Variants in RGS6 observed in about 807,000 individuals in gnomAD.
The protein encoded by RGS6 is regulator of G-protein signaling 6.
A neutral mutation model predicts 78.5 loss-of-function variants in RGS6; 30 were observed. The observed-to-expected ratio is 0.38, with a 90% CI of 0.29 to 0.52. RGS6 has a LOEUF of 0.52. Among genes scored for constraint, RGS6 ranks in the 20% least tolerant of loss-of-function variants. The probability of loss-of-function intolerance (pLI) is 0.85; values close to 1 mark genes in which losing one functional copy is unlikely to be tolerated. For missense variants in RGS6, 495 were observed against 609.7 expected, an observed-to-expected ratio of 0.81 and a Z score of 1.98; for synonymous variants, 206 against 206.0, an observed-to-expected ratio of 1.00 and a Z score of 0.00.
At chr14:72,515,215 C>A (rs2096926038) in intron 14 of RGS6, among the ~76,000 whole-genome samples, 1 of 151,680 alleles carries the variant, frequency 6.6e-6, no homozygotes, top group African/African-American at 2.4e-5. Flanking sequence ...ATACCTTCCC[C>A]CTCTCCCTTC....
intron 2 of RGS6, among the ~76,000 whole-genome samples, chr14:72,063,703 G>A (rs1338579487): frequency 6.6e-6 from 1 of 152,196 alleles, no homozygotes; most frequent in Non-Finnish European, 1.5e-5. Flanking sequence ...GGGACCTAGT[G>A]TAAGTGGTGG....
At chr14:72,552,938 G>A (rs1225519818) in intron 17 of RGS6, among the ~76,000 whole-genome samples, 2 of 152,194 alleles carry the variant, frequency 1.3e-5, no homozygotes, top group Non-Finnish European at 2.9e-5. Flanking sequence ...CTTAGGAGCT[G>A]ATAGAAAACT....
At chr14:72,098,698 C>A (rs1207231470) in intron 2 of RGS6, among the ~76,000 whole-genome samples, 1 of 152,164 alleles carries the variant, frequency 6.6e-6, no homozygotes, top group Non-Finnish European at 1.5e-5. Context: ...GTCCCAATTA[C>A]CAAAAATTGC....
intron 2 of RGS6, among the ~76,000 whole-genome samples, chr14:72,118,818 T>A (rs893260321): frequency 3.3e-5 from 5 of 152,230 alleles, no homozygotes; most frequent in Non-Finnish European, 5.9e-5. Flanking sequence ...TTATACTTAA[T>A]TATAAAATGC....
rs1167831473 is a variant in RGS6 at position 72,402,790 on chromosome 14, GTTTTTTTTTTT to G, written c.184+50610_184+50620del. On this transcript the variant is annotated intron_variant, in intron 3 of 17. Coordinates refer to ENST00000553525, the MANE Select transcript of RGS6 (RefSeq NM_001204424.2). ...TTGTTTTATATTTTTTGTTTTTTTG[GTTTTTTTTTTT>G]TTTTTTTTTTTTTGAGAAGGAGTCT... Among the ~76,000 whole-genome samples the G allele has an allele frequency of 4.0e-5, 3 of 75,800 alleles. No individual in the cohort carries two copies. The East Asian group carries it at 1.4e-3, about 34-fold the overall frequency. The allele number at this position is 75,800 out of a possible 152,430, so 49.7% of individuals were successfully genotyped here. A position where few individuals can be genotyped will look rare whatever the true frequency, so the allele number is the denominator to read the frequency against.
chr14:71,871,865 G>A, the RGS6 span, among the ~76,000 whole-genome samples: 32 of 152,044 alleles, frequency 2.1e-4, no homozygotes, highest in African/African-American at 6.5e-4. Context: ...CCCTACTGTC[G>A]AATGAATTTT....
At chr14:72,497,710 T>A (rs2096663293) in intron 13 of RGS6, among the ~76,000 whole-genome samples, 1 of 152,172 alleles carries the variant, frequency 6.6e-6, no homozygotes, top group African/African-American at 2.4e-5. Flanking sequence ...AACTTGTATT[T>A]CTATGAACAT....
chr14:72,121,883 G>A (rs927759578), intron 2 of RGS6, among the ~76,000 whole-genome samples: 6 of 152,076 alleles, frequency 3.9e-5, no homozygotes, highest in African/African-American at 9.7e-5. Flanking sequence ...TCTTAACTGG[G>A]AGCTGTTTTG....
chr14:72,494,089 GA>G (rs1231809506), intron 12 of RGS6, among the ~76,000 whole-genome samples: 1 of 152,222 alleles, frequency 6.6e-6, no homozygotes, highest in Non-Finnish European at 1.5e-5. Context: ...AAGACTTCAG[GA>G]AAGAGGATCT....
At chr14:72,534,944 C>G (rs1228240092) in intron 15 of RGS6, among the ~76,000 whole-genome samples, 2 of 152,198 alleles carry the variant, frequency 1.3e-5, no homozygotes, top group African/African-American at 4.8e-5. Flanking sequence ...CTTCCTCCAC[C>G]AGGACAGCCA....
At chr14:72,041,797 G>A (rs1336765901) in intron 2 of RGS6, among the ~76,000 whole-genome samples, 3 of 152,228 alleles carry the variant, frequency 2.0e-5, no homozygotes, top group Middle Eastern at 3.4e-3. Context: ...TCTGTGGGGG[G>A]TGGGCAGGGA....
the RGS6 span, among the ~76,000 whole-genome samples, chr14:72,596,296 T>C: frequency 6.6e-6 from 1 of 152,196 alleles, no homozygotes; most frequent in African/African-American, 2.4e-5. Flanking sequence ...CCCATTACCC[T>C]GATACTGACT....
chr14:71,999,403 G>A (rs1054344618), intron 2 of RGS6, among the ~76,000 whole-genome samples: 13 of 152,352 alleles, frequency 8.5e-5, no homozygotes, highest in African/African-American at 3.1e-4. Flanking sequence ...TGCATACAAG[G>A]CATTTTTGAC....
chr14:72,011,822 C>T (rs2153230051), intron 2 of RGS6, among the ~76,000 whole-genome samples: 1 of 152,166 alleles, frequency 6.6e-6, no homozygotes, highest in East Asian at 1.9e-4. Flanking sequence ...TGAGGGGTGA[C>T]TGTAACTTAT....
intron 2 of RGS6, among the ~76,000 whole-genome samples, chr14:72,070,957 C>A (rs1037889442): frequency 2.0e-5 from 3 of 152,130 alleles, no homozygotes; most frequent in African/African-American, 4.8e-5. Context: ...CTCATTGATG[C>A]ATTTAAATAA....
chr14:71,928,290 CA>C (rs757925784), upstream of RGS6, among the ~76,000 whole-genome samples: 3 of 152,200 alleles, frequency 2.0e-5, no homozygotes, highest in Non-Finnish European at 4.4e-5. Flanking sequence ...CAGGATTTAA[CA>C]TGAAGCAAAA....
At chr14:72,005,439 C>CTCTATCTATCTGTCTA (rs1555428328) in intron 2 of RGS6, among the ~76,000 whole-genome samples, 1 of 143,512 alleles carries the variant, frequency 7.0e-6, no homozygotes, top group Non-Finnish European at 1.5e-5. Flanking sequence ...ACCTGCATAT[C>CTCTATCTATCTGTCTA]TCTATCTATC....
At chr14:71,891,764 T>C in the RGS6 span, among the ~76,000 whole-genome samples, 1 of 152,180 alleles carries the variant, frequency 6.6e-6, no homozygotes, top group Non-Finnish European at 1.5e-5. Flanking sequence ...ACAAAGTGCA[T>C]GTTTAACTCT....
intron 2 of RGS6, among the ~76,000 whole-genome samples, chr14:72,028,110 C>A (rs1239908589): frequency 1.3e-5 from 2 of 152,208 alleles, no homozygotes; most frequent in Non-Finnish European, 2.9e-5. Context: ...GGTAGGCTGC[C>A]TTTAATTTGT....
Sources: gnomAD v4.1 joint callset for allele counts (sites outside exome capture counted in the v4.1 genomes callset) on GRCh38, gnomAD v4.1.1 for gene constraint, MANE v1.5 for transcripts, NCBI Gene and HGNC (gene_info 2026-07-23, HGNC 2026-07-21) for gene names.